Variants in SCAND3 observed in about 807,000 individuals in gnomAD.
SCAND3 encodes SCAN domain-containing protein 3.
the SCAND3 span, among the ~76,000 whole-genome samples, chr6:28,574,169 T>G: frequency 6.6e-6 from 1 of 152,214 alleles, no homozygotes; most frequent in Non-Finnish European, 1.5e-5. Context: ...GCTTGGATGT[T>G]GCAGTAATGT....
chr6:28,583,800 GTTC>G, the SCAND3 span, among the ~76,000 whole-genome samples: 1 of 152,212 alleles, frequency 6.6e-6, no homozygotes, highest in African/African-American at 2.4e-5. Context: ...GGAACTGCAT[GTTC>G]TTCTTCCTCC....
At chr6:28,579,892 A>T in the SCAND3 span, among the ~76,000 whole-genome samples, 25 of 152,138 alleles carry the variant, frequency 1.6e-4, no homozygotes, top group Non-Finnish European at 3.2e-4. The surrounding 1 kb of genome is among the most constrained non-coding windows in gnomAD (Gnocchi z 4.5). Context: ...ACTATTAATA[A>T]TGCAGATTCA....
the SCAND3 span, chr6:28,575,779 T>A: frequency 1.2e-6 from 2 of 1,614,004 alleles, no homozygotes; most frequent in Admixed American, 3.3e-5. The surrounding 1 kb of genome is among the most constrained non-coding windows in gnomAD (Gnocchi z 4.2). Flanking sequence ...ATGCAGAATG[T>A]CAAATAAGTC....
At chr6:28,601,737 G>A in the SCAND3 span, among the ~76,000 whole-genome samples, 1 of 152,122 alleles carries the variant, frequency 6.6e-6, no homozygotes, top group Admixed American at 6.5e-5. Context: ...TGTTGGTCAG[G>A]CTGGTCTTGA....
the SCAND3 span, among the ~76,000 whole-genome samples, chr6:28,607,802 C>T: frequency 6.6e-6 from 1 of 152,242 alleles, no homozygotes; most frequent in South Asian, 2.1e-4. Context: ...TTAAATGAAA[C>T]CAGAACTACT....
At chr6:28,596,734 T>A in the SCAND3 span, among the ~76,000 whole-genome samples, 3 of 152,170 alleles carry the variant, frequency 2.0e-5, no homozygotes, top group Admixed American at 2.0e-4. Context: ...ACTGGGAATG[T>A]CGTATGGAGT....
the SCAND3 span, among the ~76,000 whole-genome samples, chr6:28,601,406 C>A: frequency 6.6e-6 from 1 of 152,206 alleles, no homozygotes; most frequent in African/African-American, 2.4e-5. Context: ...TTCTCTCTAA[C>A]TTTATGTAAG....
chr6:28,576,061 G>A, the SCAND3 span: 1 of 1,613,380 alleles, frequency 6.2e-7, no homozygotes. Flanking sequence ...TTCAATTTCT[G>A]CTTCATTAGT....
the SCAND3 span, among the ~76,000 whole-genome samples, chr6:28,601,881 C>T: frequency 6.6e-6 from 1 of 152,192 alleles, no homozygotes; most frequent in Non-Finnish European, 1.5e-5. Flanking sequence ...AGTTGTTGTT[C>T]TGTGGGACCC....
At chr6:28,571,714 A>T in the SCAND3 span, 1 of 477,866 alleles carries the variant, frequency 2.1e-6, no homozygotes, top group East Asian at 3.5e-5. Flanking sequence ...AAATAGAATT[A>T]TAAAAACTGT....
At chr6:28,612,767 CAT>C in the SCAND3 span, among the ~76,000 whole-genome samples, 3 of 152,200 alleles carry the variant, frequency 2.0e-5, no homozygotes, top group South Asian at 2.1e-4. Flanking sequence ...AAACCACACA[CAT>C]GTAACAGTGG....
chr6:28,615,754 C>T, the SCAND3 span, among the ~76,000 whole-genome samples: 1 of 152,278 alleles, frequency 6.6e-6, no homozygotes. Flanking sequence ...ACCTTCTTCT[C>T]GTCCTTCTCA....
chr6:28,614,726 A>G, the SCAND3 span, among the ~76,000 whole-genome samples: 5 of 152,196 alleles, frequency 3.3e-5, no homozygotes, highest in East Asian at 9.6e-4. Context: ...CAGCCTCCCA[A>G]AGTGCTGGGA....
the SCAND3 span, among the ~76,000 whole-genome samples, chr6:28,607,157 G>A: frequency 1.3e-5 from 2 of 152,188 alleles, no homozygotes; most frequent in African/African-American, 4.8e-5. Context: ...TCTGTGGTTG[G>A]GGGTGTAGCT....
At chr6:28,572,968 G>A in the SCAND3 span, 1 of 1,613,828 alleles carries the variant, frequency 6.2e-7, no homozygotes, top group South Asian at 1.1e-5. The surrounding 1 kb of genome is among the most constrained non-coding windows in gnomAD (Gnocchi z 4.1). Context: ...TGTCATTGAA[G>A]CTGCACCATC....
the SCAND3 span, among the ~76,000 whole-genome samples, chr6:28,594,420 C>T: frequency 1.3e-5 from 2 of 152,216 alleles, no homozygotes; most frequent in Admixed American, 1.3e-4. Context: ...TTTGGGAGGC[C>T]GAGGCGGGTG....
At chr6:28,589,789 C>A in the SCAND3 span, 4 of 151,822 alleles carry the variant, frequency 2.6e-5, no homozygotes, top group African/African-American at 7.3e-5. Flanking sequence ...CTGCCACAAC[C>A]AAGTCCTGCG....
At chr6:28,577,653 G>A in the SCAND3 span, among the ~76,000 whole-genome samples, 5 of 152,104 alleles carry the variant, frequency 3.3e-5, no homozygotes, top group African/African-American at 1.2e-4. Context: ...CCACCAAATG[G>A]ATCCACTGGT....
chr6:28,611,912 GC>G, the SCAND3 span, among the ~76,000 whole-genome samples: 1 of 152,200 alleles, frequency 6.6e-6, no homozygotes, highest in Non-Finnish European at 1.5e-5. Context: ...GAACATTACG[GC>G]CTAGAATCGT....
Sources: gnomAD v4.1 joint callset for allele counts (sites outside exome capture counted in the v4.1 genomes callset) on GRCh38, gnomAD v4.1.1 for gene constraint, Gnocchi (gnomAD v3.1) non-coding constraint, MANE v1.5 for transcripts, NCBI Gene and HGNC (gene_info 2026-07-23, HGNC 2026-07-21) for gene names.